Variants in CACNA1E observed in about 807,000 individuals in gnomAD.
CACNA1E encodes calcium voltage-gated channel subunit alpha1 E.
A neutral mutation model predicts 259.2 loss-of-function variants in CACNA1E; 40 were observed. The ratio of observed to expected loss-of-function variants is 0.15; its 90% CI spans 0.12 to 0.20. The LOEUF is 0.20. Among genes scored for constraint, CACNA1E ranks in the 10% least tolerant of loss-of-function variants. The pLI, the probability that CACNA1E is intolerant of heterozygous loss-of-function variation, is 1.00. For missense variants in CACNA1E, 1,874 were observed against 3,040.1 expected (o/e 0.62, Z 9.02); for synonymous variants, 1,104 against 1,138.5 (o/e 0.97, Z 0.61).
intron 2 of CACNA1E, among the ~76,000 whole-genome samples, chr1:181,444,130 A>G (rs1379118154): frequency 6.6e-6 from 1 of 151,908 alleles, no homozygotes; most frequent in Admixed American, 6.6e-5. Context: ...TATCTCCTCC[A>G]TTGTTCCAAG....
At chr1:181,375,377 A>G (rs1295660886) in intron 1 of CACNA1E, among the ~76,000 whole-genome samples, 1 of 152,228 alleles carries the variant, frequency 6.6e-6, no homozygotes, top group Admixed American at 6.5e-5. Context: ...TCCCCCCAAC[A>G]GATTCATATG....
chr1:181,368,328 A>G (rs1654436156), intron 1 of CACNA1E, among the ~76,000 whole-genome samples: 1 of 152,284 alleles, frequency 6.6e-6, no homozygotes. Context: ...GAATACCCAG[A>G]AAGAAGGTAT....
intron 3 of CACNA1E, among the ~76,000 whole-genome samples, chr1:181,545,920 T>C (rs1056760818): frequency 8.5e-5 from 13 of 152,146 alleles, no homozygotes; most frequent in Middle Eastern, 3.4e-3. Flanking sequence ...TATATTGAAA[T>C]ATATGCAGAT....
At chr1:181,781,391 C>T (rs949738004) in intron 38 of CACNA1E, 36 bp from the exon 39 acceptor site, 1 of 1,066,448 alleles carries the variant, frequency 9.4e-7, no homozygotes, top group Non-Finnish European at 1.4e-6. Flanking sequence ...GCCCCGCTAA[C>T]CCACCCCATC....
chr1:181,431,441 G>T (rs1202247899), intron 2 of CACNA1E, among the ~76,000 whole-genome samples: 1 of 152,210 alleles, frequency 6.6e-6, no homozygotes, highest in Non-Finnish European at 1.5e-5. Flanking sequence ...CAGGGTGATG[G>T]ATGCCAGAGA....
At chr1:181,375,000 C>T (rs1237035517) in intron 1 of CACNA1E, among the ~76,000 whole-genome samples, 2 of 150,294 alleles carry the variant, frequency 1.3e-5, no homozygotes, top group East Asian at 3.9e-4. Context: ...AGGGTGAAAA[C>T]AAAATAATAC....
At chr1:181,727,121 C>T (rs548499414) in intron 18 of CACNA1E, among the ~76,000 whole-genome samples, 1 of 152,254 alleles carries the variant, frequency 6.6e-6, no homozygotes, top group Admixed American at 6.5e-5. Flanking sequence ...ATCTGGAGCT[C>T]AGAAAAGTCA....
chr1:181,679,846 A>C (rs1231376404), intron 7 of CACNA1E, among the ~76,000 whole-genome samples: 2 of 152,136 alleles, frequency 1.3e-5, no homozygotes, highest in Non-Finnish European at 2.9e-5. Flanking sequence ...TGATCTTCTA[A>C]AGTTAAGTCC....
At chr1:181,532,664 A>T (rs1485409578) in intron 3 of CACNA1E, among the ~76,000 whole-genome samples, 1 of 152,212 alleles carries the variant, frequency 6.6e-6, no homozygotes, top group African/African-American at 2.4e-5. Context: ...TTTCCCCTTT[A>T]AGCCAACACT....
Position 181,785,709 on chromosome 1 carries a change from C to A in CACNA1E, c.5680-4C>A. On this transcript the variant is annotated splice_polypyrimidine_tract_variant and splice_region_variant and intron_variant, in intron 42 of 47. Coordinates refer to ENST00000367573, the MANE Select transcript of CACNA1E (RefSeq NM_001205293.3). ...TTTCCTTCTTCTTCCCTCTTTTTAC[C>A]CAGAAAAATGCCCCCATGTTCCAGC... 1 of 1,602,070 alleles carries A rather than the reference C, an allele frequency of 6.2e-7. No homozygotes were observed. Among genetic ancestry groups the A allele is most frequent in the African/African-American group, 1.3e-5 (1 of 74,668 alleles).
intron 3 of CACNA1E, among the ~76,000 whole-genome samples, chr1:181,519,151 A>C (rs377700867): frequency 2.2e-4 from 34 of 152,316 alleles, no homozygotes; most frequent in Middle Eastern, 6.8e-3. Flanking sequence ...TATGTTTTCA[A>C]AGCAGAGGTG....
chr1:181,786,924 GA>G (rs915421878), intron 43 of CACNA1E, among the ~76,000 whole-genome samples: 1 of 152,128 alleles, frequency 6.6e-6, no homozygotes, highest in African/African-American at 2.4e-5. Context: ...ATCTTTGGAA[GA>G]GAAGAAAAGG....
intron 32 of CACNA1E, among the ~76,000 whole-genome samples, chr1:181,760,442 C>T (rs1658483558): frequency 1.3e-5 from 2 of 152,038 alleles, no homozygotes; most frequent in African/African-American, 4.8e-5. Flanking sequence ...ATCATAATTG[C>T]CATTATTGTT....
chr1:181,748,011 G>A (rs1408646092), intron 25 of CACNA1E, among the ~76,000 whole-genome samples: 1 of 152,056 alleles, frequency 6.6e-6, no homozygotes, highest in African/African-American at 2.4e-5. Context: ...TCTTGCCCCT[G>A]TTAACAAAAC....
At chr1:181,419,092 C>G (rs1658512706) in intron 2 of CACNA1E, among the ~76,000 whole-genome samples, 1 of 152,118 alleles carries the variant, frequency 6.6e-6, no homozygotes, top group African/African-American at 2.4e-5. Context: ...AAGATCCTTA[C>G]TTTTTCTTTT....
At chr1:181,795,521 A>G (rs1310410633) in intron 46 of CACNA1E, among the ~76,000 whole-genome samples, 2 of 149,848 alleles carry the variant, frequency 1.3e-5, no homozygotes, top group Admixed American at 6.7e-5. Context: ...GCTCACTGCA[A>G]GCTCTGCCTC....
chr1:181,322,116 C>T (rs1288116438), intron 1 of CACNA1E, among the ~76,000 whole-genome samples: 1 of 152,102 alleles, frequency 6.6e-6, no homozygotes, highest in East Asian at 1.9e-4. Context: ...GGCCTCAGCC[C>T]AGTTCTGGTC....
chr1:181,622,456 G>A (rs1472018913), intron 6 of CACNA1E, among the ~76,000 whole-genome samples: 1 of 152,196 alleles, frequency 6.6e-6, no homozygotes, highest in Non-Finnish European at 1.5e-5. Context: ...GAGTCCTAGA[G>A]CCAAGGTGTT....
At chr1:181,541,259 T>A (rs1224339653) in intron 3 of CACNA1E, among the ~76,000 whole-genome samples, 2 of 152,160 alleles carry the variant, frequency 1.3e-5, no homozygotes, top group Non-Finnish European at 2.9e-5. Context: ...AACAGGTTTT[T>A]AGGCAGAAAT....
Sources: allele counts gnomAD v4.1 joint callset (sites outside exome capture counted in the v4.1 genomes callset), GRCh38; gene constraint gnomAD v4.1.1; transcripts MANE v1.5; gene names NCBI Gene and HGNC (gene_info 2026-07-23, HGNC 2026-07-21).